TTC27: variants seen among roughly 807,000 people sequenced by gnomAD.
The protein encoded by TTC27 is tetratricopeptide repeat protein 27.
In TTC27, 79 loss-of-function variants were observed where a neutral mutation model predicts 115.9. The ratio of observed to expected loss-of-function variants is 0.68; its 90% CI spans 0.57 to 0.82. TTC27 has a LOEUF of 0.82. TTC27 is among the 40% of genes least tolerant of loss of function. The pLI is 0.00. For missense variants in TTC27, 1,054 were observed against 993.1 expected, an observed-to-expected ratio of 1.06 and a Z score of -0.82; for synonymous variants, 401 against 356.0, an observed-to-expected ratio of 1.13 and a Z score of -1.42.
At chr2:32,779,185 CT>C in intron 14 of TTC27, among the ~76,000 whole-genome samples, 1 of 151,886 alleles carries the variant, frequency 6.6e-6, no homozygotes, top group Non-Finnish European at 1.5e-5. Context: ...ATTGCGCCAC[CT>C]TACTCCAGCC....
intron 9 of TTC27, among the ~76,000 whole-genome samples, chr2:32,693,130 G>A (rs937726659): frequency 6.6e-6 from 1 of 152,130 alleles, no homozygotes; most frequent in Non-Finnish European, 1.5e-5. Context: ...GAAAGTCCCA[G>A]AACTTTAAAT....
chr2:32,628,278 G>C lies in TTC27; in HGVS notation c.-15G>C, dbSNP rs1278920964. On this transcript the variant is annotated 5_prime_UTR_variant, in exon 1 of 20. Coordinates refer to ENST00000317907, the MANE Select transcript of TTC27 (RefSeq NM_017735.5). The stretch of plus-strand genomic sequence containing the variant: ...CTCGTGGGAGCCTGTTTTGGCTGCA[G>C]CGGTGTCTGGGGTGATGTGGACCCC... 1 of 1,598,770 alleles carries C rather than the reference G, an allele frequency of 6.3e-7. No individual in the cohort carries two copies. Among genetic ancestry groups the C allele is most frequent in the Admixed American group, 1.8e-5 (1 of 55,930 alleles).
chr2:32,643,882 A>G (rs1306084826), intron 4 of TTC27, among the ~76,000 whole-genome samples: 1 of 151,786 alleles, frequency 6.6e-6, no homozygotes, highest in Non-Finnish European at 1.5e-5. Flanking sequence ...TAAAAATACA[A>G]AAATTAGCCA....
At chr2:32,734,534 T>C (rs947201541) in intron 11 of TTC27, among the ~76,000 whole-genome samples, 8 of 152,240 alleles carry the variant, frequency 5.3e-5, no homozygotes, top group African/African-American at 1.9e-4. Flanking sequence ...GCTATGAGAA[T>C]ACCTACTGTA....
At chr2:32,650,774 T>C (rs1294093151) in intron 5 of TTC27, among the ~76,000 whole-genome samples, 1 of 152,242 alleles carries the variant, frequency 6.6e-6, no homozygotes, top group Admixed American at 6.5e-5. Context: ...CATTTCATTT[T>C]ATTAGTATTT....
At chr2:32,700,088 G>T (rs1294703265) in intron 9 of TTC27, among the ~76,000 whole-genome samples, 1 of 152,196 alleles carries the variant, frequency 6.6e-6, no homozygotes, top group Admixed American at 6.5e-5. Flanking sequence ...CGTTGCCCAT[G>T]CCCACTCCGG....
chr2:32,734,675 C>G (rs1307691576), intron 11 of TTC27, among the ~76,000 whole-genome samples: 1 of 152,096 alleles, frequency 6.6e-6, no homozygotes, highest in African/African-American at 2.4e-5. Context: ...GACCCAGTTT[C>G]TTAATGTTAC....
intron 16 of TTC27, among the ~76,000 whole-genome samples, chr2:32,799,366 A>G (rs1670843256): frequency 6.6e-6 from 1 of 152,202 alleles, no homozygotes; most frequent in East Asian, 1.9e-4. Flanking sequence ...ACATTTAAAA[A>G]TGGTTAAGAT....
intron 10 of TTC27, among the ~76,000 whole-genome samples, chr2:32,720,813 G>A (rs1286385725): frequency 2.6e-5 from 4 of 152,144 alleles, no homozygotes; most frequent in South Asian, 4.1e-4. Flanking sequence ...ATTATGAACC[G>A]GTCATTTATT....
intron 10 of TTC27, among the ~76,000 whole-genome samples, chr2:32,711,462 CT>C (rs1184359315): frequency 1.3e-5 from 2 of 152,204 alleles, no homozygotes; most frequent in Non-Finnish European, 2.9e-5. Context: ...GCCAATTCCC[CT>C]GATTCAGAAC....
chr2:32,630,584 A>G lies in TTC27; in HGVS notation c.150A>G (p.Ser50=), dbSNP rs1255742407. The G allele has an allele frequency of 6.2e-7, 1 of 1,613,358 alleles. No homozygotes were observed. Among genetic ancestry groups the G allele is most frequent in the Non-Finnish European group, 8.5e-7 (1 of 1,179,610 alleles). ...EGNYEAIFLN[S]MTQNIFNSTT... ...ACTATGAAGCCATATTCTTAAATTC[A>G]ATGACTCAAAATATTTTTAATTCAA... Residue 50 remains serine, a synonymous_variant, in exon 2 of 20, where the codon TCA becomes TCG. Transcript: ENST00000317907.
At chr2:32,734,900 A>G (rs1344049446) in intron 11 of TTC27, among the ~76,000 whole-genome samples, 1 of 152,160 alleles carries the variant, frequency 6.6e-6, no homozygotes, top group Non-Finnish European at 1.5e-5. Context: ...CTCTTATTTT[A>G]TTGCAACAAT....
intron 16 of TTC27, among the ~76,000 whole-genome samples, chr2:32,806,207 G>T (rs1671123748): frequency 1.3e-5 from 2 of 152,130 alleles, no homozygotes; most frequent in Admixed American, 6.5e-5. Context: ...TGTAACAGTG[G>T]GTAAAAACAT....
intron 9 of TTC27, among the ~76,000 whole-genome samples, chr2:32,698,494 T>G (rs1414814902): frequency 6.8e-6 from 1 of 146,192 alleles, no homozygotes; most frequent in Non-Finnish European, 1.5e-5. Context: ...TTTTTTTTTT[T>G]TTTGAGATGG....
intron 13 of TTC27, among the ~76,000 whole-genome samples, chr2:32,759,044 C>T (rs1160769800): frequency 6.6e-6 from 1 of 152,060 alleles, no homozygotes; most frequent in Non-Finnish European, 1.5e-5. Context: ...GGGTCTGGAT[C>T]TTTAAACTAA....
At chr2:32,746,722 T>G (rs1386054370) in intron 12 of TTC27, among the ~76,000 whole-genome samples, 1 of 152,314 alleles carries the variant, frequency 6.6e-6, no homozygotes, top group South Asian at 2.1e-4. Context: ...GGTACTTTAT[T>G]TATGTTCACT....
chr2:32,631,563 T>C (rs1186531671), intron 2 of TTC27, among the ~76,000 whole-genome samples: 1 of 152,246 alleles, frequency 6.6e-6, no homozygotes. Flanking sequence ...ATAAATTTGA[T>C]ACCTCTATCT....
chr2:32,769,625 C>T (rs1669761625), intron 13 of TTC27, among the ~76,000 whole-genome samples: 1 of 151,354 alleles, frequency 6.6e-6, no homozygotes, highest in African/African-American at 2.4e-5. Flanking sequence ...TAGGGAATAT[C>T]ATTCTAGGGG....
chr2:32,666,261 A>T (rs970155003), intron 6 of TTC27, among the ~76,000 whole-genome samples: 3 of 152,134 alleles, frequency 2.0e-5, no homozygotes, highest in Admixed American at 2.0e-4. Context: ...AAGCCCTGTG[A>T]TCATGAACAA....
Sources: allele counts gnomAD v4.1 joint callset (sites outside exome capture counted in the v4.1 genomes callset), GRCh38; gene constraint gnomAD v4.1.1; transcripts MANE v1.5; gene names NCBI Gene and HGNC (gene_info 2026-07-23, HGNC 2026-07-21).